NXPE1: variants seen among roughly 807,000 people sequenced by gnomAD.
NXPE1 encodes neurexophilin and PC-esterase domain family member 1, also known as NXPE family member 1.
A neutral mutation model predicts 33.3 loss-of-function variants in NXPE1; 31 were observed. That is an observed-to-expected ratio of 0.93 (90% CI 0.70 to 1.26). The LOEUF is 1.26. NXPE1 is among the 50% of genes most tolerant of loss of function. The pLI, the probability that NXPE1 is intolerant of heterozygous loss-of-function variation, is 0.00. For missense variants in NXPE1, 661 were observed against 655.6 expected (o/e 1.01, Z -0.09); for synonymous variants, 229 against 231.4 (o/e 0.99, Z 0.09).
At chr11:114,544,233 C>T (rs1472440502) in intron 5 of NXPE1, among the ~76,000 whole-genome samples, 1 of 152,020 alleles carries the variant, frequency 6.6e-6, no homozygotes, top group East Asian at 1.9e-4. Context: ...AACAAACTGA[C>T]TGAAATTTTA....
chr11:114,533,692 C>G (rs1312510314), intron 5 of NXPE1, among the ~76,000 whole-genome samples: 1 of 152,220 alleles, frequency 6.6e-6, no homozygotes, highest in East Asian at 1.9e-4. Context: ...TCATTGCTAG[C>G]ACAGCAATCT....
At chr11:114,539,717 G>T (rs1341295287) in intron 5 of NXPE1, among the ~76,000 whole-genome samples, 10 of 151,984 alleles carry the variant, frequency 6.6e-5, no homozygotes, top group Non-Finnish European at 2.9e-5. Flanking sequence ...AAAAATACTA[G>T]CCCTAGTGTA....
chr11:114,519,172 T>C (rs1365595960), downstream of NXPE1, among the ~76,000 whole-genome samples: 1 of 152,162 alleles, frequency 6.6e-6, no homozygotes, highest in Non-Finnish European at 1.5e-5. Flanking sequence ...TGGATAACCA[T>C]TTTTCAAATT....
At chr11:114,530,815 G>C (rs1186390060) in exon 6 of NXPE1, 1 of 1,614,172 alleles carries the variant, frequency 6.2e-7, no homozygotes, top group Admixed American at 1.7e-5. Flanking sequence ...TCTGTTAGTG[G>C]CTTTAATGGT....
chr11:114,530,688 T>C, exon 6 of NXPE1: 1 of 1,613,984 alleles, frequency 6.2e-7, no homozygotes, highest in Non-Finnish European at 8.5e-7. Flanking sequence ...ATCTCGAGGG[T>C]TGAGGATGGT....
chr11:114,532,899 T>G (rs745352296), intron 5 of NXPE1, among the ~76,000 whole-genome samples: 7 of 152,166 alleles, frequency 4.6e-5, no homozygotes, highest in Non-Finnish European at 7.3e-5. Flanking sequence ...TCTCATGATT[T>G]TTCACTGTTC....
intron 5 of NXPE1, among the ~76,000 whole-genome samples, chr11:114,541,807 A>T (rs988689061): frequency 6.6e-6 from 1 of 152,224 alleles, no homozygotes; most frequent in Non-Finnish European, 1.5e-5. Context: ...GAAAGAACCA[A>T]ACAAATTTTA....
exon 6 of NXPE1, chr11:114,530,752 G>A (rs1054942230): frequency 4.3e-6 from 7 of 1,614,238 alleles, no homozygotes; most frequent in South Asian, 3.3e-5. Context: ...AAAGGTCTGG[G>A]TGGGATCTGC....
At chr11:114,520,634 G>A (rs973975690), downstream of NXPE1, among the ~76,000 whole-genome samples, 1 of 152,172 alleles carries the variant, frequency 6.6e-6, no homozygotes, top group Non-Finnish European at 1.5e-5. Context: ...ACTCAGCAGA[G>A]GGATTGCTGG....
At chr11:114,540,571 T>G (rs1225660444) in intron 5 of NXPE1, among the ~76,000 whole-genome samples, 1 of 151,500 alleles carries the variant, frequency 6.6e-6, no homozygotes, top group African/African-American at 2.4e-5. Flanking sequence ...TGGGAAATAA[T>G]TTTTTTTTAA....
rs184446542 is a variant in NXPE1, at chr11:114,533,619, C to T, written c.100-2711G>A. 9.8e-3 allele frequency among the ~76,000 whole-genome samples: 1,487 copies of T among 152,310 alleles called. 30 individuals carry two copies. The highest frequency in any genetic ancestry group is 0.034 in the African/African-American group (1,410 of 41,550). ...GCGCTTTTCCAATGGGCTTCACAAA[C>T]AGCACACCAGGAGATTATATCCCGC... On this transcript the variant is annotated intron_variant, in intron 5 of 8. Transcript: ENST00000534921.
chr11:114,533,372 C>T (rs996723017), intron 5 of NXPE1, among the ~76,000 whole-genome samples: 8 of 152,116 alleles, frequency 5.3e-5, no homozygotes, highest in African/African-American at 1.4e-4. Context: ...ATGCAGAAGA[C>T]GGGTGATTTC....
chr11:114,538,104 G>C (rs952262539), intron 5 of NXPE1, among the ~76,000 whole-genome samples: 51 of 152,246 alleles, frequency 3.3e-4, no homozygotes, highest in African/African-American at 1.2e-3. Context: ...GAACAGAACA[G>C]AGCCCTCAGA....
At chr11:114,528,808 T>C in intron 6 of NXPE1, 1 of 680,002 alleles carries the variant, frequency 1.5e-6, no homozygotes, top group Non-Finnish European at 2.7e-6. Flanking sequence ...GATTTCCTGC[T>C]ATAGATGTCT....
chr11:114,525,516 C>T (rs1404501241), intron 7 of NXPE1, among the ~76,000 whole-genome samples: 1 of 152,128 alleles, frequency 6.6e-6, no homozygotes, highest in Non-Finnish European at 1.5e-5. Flanking sequence ...CTCTCCCTCC[C>T]ATCCCAAAGC....
intron 1 of NXPE1, among the ~76,000 whole-genome samples, chr11:114,557,874 C>T (rs143402343): frequency 5.9e-5 from 9 of 151,598 alleles, no homozygotes; most frequent in South Asian, 4.2e-4. Flanking sequence ...GTTTCTTTTG[C>T]GGGCTATACA....
chr11:114,542,403 A>G (rs568181779), intron 5 of NXPE1, among the ~76,000 whole-genome samples: 32 of 152,336 alleles, frequency 2.1e-4, no homozygotes, highest in African/African-American at 7.5e-4. Context: ...ACATTAAACA[A>G]CCAACATAAT....
At chr11:114,534,066 G>A (rs1459040601) in intron 5 of NXPE1, among the ~76,000 whole-genome samples, 3 of 152,140 alleles carry the variant, frequency 2.0e-5, no homozygotes, top group Non-Finnish European at 2.9e-5. Flanking sequence ...TCACACTGCC[G>A]GGTACTCCTC....
chr11:114,537,649 A>G (rs1432998004), intron 5 of NXPE1, among the ~76,000 whole-genome samples: 1 of 152,182 alleles, frequency 6.6e-6, no homozygotes, highest in Non-Finnish European at 1.5e-5. Flanking sequence ...AGACAAACAG[A>G]GAGCCAAATC....
Sources: gnomAD v4.1 joint callset for allele counts (sites outside exome capture counted in the v4.1 genomes callset) on GRCh38, gnomAD v4.1.1 for gene constraint, MANE v1.5 for transcripts, NCBI Gene and HGNC (gene_info 2026-07-23, HGNC 2026-07-21) for gene names.